Variants in KSR2 observed in about 807,000 individuals in gnomAD.
KSR2 encodes kinase suppressor of ras 2.
Under a neutral mutation model 107.8 loss-of-function variants are expected in KSR2, and 25 were observed. That is an observed-to-expected ratio of 0.23 (90% CI 0.17 to 0.32). The LOEUF is 0.32. Ranked by LOEUF, KSR2 falls within the 10% of genes least tolerant of loss-of-function variation. The probability of loss-of-function intolerance (pLI) is 1.00; values close to 1 mark genes in which losing one functional copy is unlikely to be tolerated. For missense variants in KSR2, 887 were observed against 1,268.9 expected (o/e 0.70, Z 4.57); for synonymous variants, 480 against 507.0 (o/e 0.95, Z 0.71).
intron 17 of KSR2, among the ~76,000 whole-genome samples, chr12:117,476,235 TG>T (rs1452948632): frequency 4.6e-5 from 7 of 152,228 alleles, no homozygotes; most frequent in African/African-American, 1.7e-4. Context: ...GTAAATGAGT[TG>T]GGTAACTTGT....
intron 5 of KSR2, among the ~76,000 whole-genome samples, chr12:117,662,251 T>G (rs1884464843): frequency 6.6e-6 from 1 of 152,186 alleles, no homozygotes; most frequent in Non-Finnish European, 1.5e-5. Flanking sequence ...GACAAGACTG[T>G]GGTTCAGCCA....
chr12:117,454,973 A>C lies in KSR2; in HGVS notation c.*12226T>G, dbSNP rs1318668781. The C allele has an allele frequency of 6.6e-6, 1 of 152,058 alleles. No homozygotes were observed. The highest frequency in any genetic ancestry group is 1.5e-5 in the Non-Finnish European group (1 of 68,086). 9.4% of individuals were successfully genotyped at this position (152,058 alleles called of 1,614,324 possible). A position where few individuals can be genotyped will look rare whatever the true frequency, so the allele number is the denominator to read the frequency against. Reference sequence around the variant, plus strand: ...CCCAATGCAGGGCACTAAGAAATAGAGACACATCCTTCACTGTGTGGAGGC... The same window carrying C: ...CCCAATGCAGGGCACTAAGAAATAGCGACACATCCTTCACTGTGTGGAGGC... On this transcript the variant is annotated 3_prime_UTR_variant, in exon 20 of 20. Transcript: ENST00000339824.
intron 3 of KSR2, 96 bp from the exon 4 acceptor site, chr12:117,761,620 C>T (rs960909025): frequency 1.7e-6 from 2 of 1,164,090 alleles, no homozygotes; most frequent in East Asian, 2.3e-5. Flanking sequence ...CACATTACAC[C>T]ACGTGCCCAT....
chr12:117,641,723 A>C (rs7965878), intron 5 of KSR2, among the ~76,000 whole-genome samples: 4 of 151,928 alleles, frequency 2.6e-5, no homozygotes, highest in African/African-American at 9.7e-5. Flanking sequence ...AATGGGGGGC[A>C]CAATTTAACC....
At chr12:117,767,399 T>G (rs1328032839) in intron 3 of KSR2, among the ~76,000 whole-genome samples, 1 of 149,912 alleles carries the variant, frequency 6.7e-6, no homozygotes. Context: ...ATCGCTCCAC[T>G]GCACTCCAGC....
chr12:117,868,581 C>T (rs1460698214), intron 1 of KSR2, among the ~76,000 whole-genome samples: 2 of 152,046 alleles, frequency 1.3e-5, no homozygotes, highest in African/African-American at 4.8e-5. Context: ...CTACATTGTA[C>T]CAAAGAAGAA....
intron 4 of KSR2, among the ~76,000 whole-genome samples, chr12:117,672,553 T>C (rs1324461066): frequency 6.6e-6 from 1 of 152,198 alleles, no homozygotes; most frequent in South Asian, 2.1e-4. Context: ...ATCAGATGTC[T>C]GTATAGCTAT....
intron 3 of KSR2, among the ~76,000 whole-genome samples, chr12:117,783,797 A>C (rs1256745432): frequency 3.9e-5 from 6 of 152,194 alleles, no homozygotes; most frequent in African/African-American, 1.4e-4. Flanking sequence ...CCAGGAAAGG[A>C]AGATCTGTGA....
chr12:117,503,347 C>G (rs1011098788), intron 14 of KSR2, among the ~76,000 whole-genome samples: 6 of 152,348 alleles, frequency 3.9e-5, no homozygotes, highest in African/African-American at 1.4e-4. Flanking sequence ...CTCCTAGGCA[C>G]TCAGGAGACT....
chr12:117,629,283 G>T (rs573862580), intron 5 of KSR2, among the ~76,000 whole-genome samples: 1 of 152,220 alleles, frequency 6.6e-6, no homozygotes, highest in South Asian at 2.1e-4. Context: ...CTTCTGCGTC[G>T]ATCATGCTGG....
chr12:117,592,047 G>C (rs1313892142), intron 5 of KSR2, among the ~76,000 whole-genome samples: 1 of 151,522 alleles, frequency 6.6e-6, no homozygotes, highest in African/African-American at 2.4e-5. Flanking sequence ...AAAACCTTCA[G>C]GATCTAGTGA....
chr12:117,707,367 A>C (rs1886568700), intron 4 of KSR2, among the ~76,000 whole-genome samples: 1 of 152,232 alleles, frequency 6.6e-6, no homozygotes, highest in African/African-American at 2.4e-5. Context: ...AAAACCATTG[A>C]ATTCTATACT....
chr12:117,598,379 T>C (rs1332980424), intron 5 of KSR2, among the ~76,000 whole-genome samples: 1 of 152,224 alleles, frequency 6.6e-6, no homozygotes, highest in Non-Finnish European at 1.5e-5. Flanking sequence ...CTTTACCCAC[T>C]TGTTGATTGA....
rs111800235 is a variant in KSR2 at position 117,830,491 on chromosome 12, G to C, written c.472+24937C>G. Among the ~76,000 whole-genome samples the C allele has an allele frequency of 2.9e-3, 440 of 151,538 alleles. 3 individuals are homozygous for C. The highest frequency in any genetic ancestry group is 3.8e-3 in the Non-Finnish European group (260 of 67,890). On this transcript the variant is annotated intron_variant, in intron 3 of 19. Transcript: ENST00000339824. ...GTAACAAACCTGCACATGTACCCTC[G>C]AATCAAAAAATAAAAGTTGAAATTA...
chr12:117,619,210 C>CTT (rs67822272), intron 5 of KSR2, among the ~76,000 whole-genome samples: 9 of 147,416 alleles, frequency 6.1e-5, no homozygotes, highest in Admixed American at 3.4e-4. Context: ...AGTCAATTTT[C>CTT]TTTTTTTTTT....
intron 2 of KSR2, among the ~76,000 whole-genome samples, chr12:117,856,816 T>A (rs1050904574): frequency 2.0e-5 from 3 of 152,172 alleles, no homozygotes; most frequent in Admixed American, 2.0e-4. Flanking sequence ...CTTGTGGTCA[T>A]GTTTGTGTAT....
At chr12:117,837,705 G>A (rs1414542564) in intron 3 of KSR2, among the ~76,000 whole-genome samples, 1 of 152,166 alleles carries the variant, frequency 6.6e-6, no homozygotes, top group Non-Finnish European at 1.5e-5. Context: ...AAGCTGGTCT[G>A]CCTCATTTCT....
chr12:117,713,567 A>T (rs770341149), intron 4 of KSR2, among the ~76,000 whole-genome samples: 1 of 152,066 alleles, frequency 6.6e-6, no homozygotes, highest in African/African-American at 2.4e-5. Context: ...GTTTTACTCT[A>T]TCTACATTTG....
intron 10 of KSR2, among the ~76,000 whole-genome samples, chr12:117,536,821 C>T (rs2137274227): frequency 6.6e-6 from 1 of 152,312 alleles, no homozygotes; most frequent in South Asian, 2.1e-4. Context: ...TTCACTGTTA[C>T]AGTGAAGTCC....
Sources: allele counts gnomAD v4.1 joint callset (sites outside exome capture counted in the v4.1 genomes callset), GRCh38; gene constraint gnomAD v4.1.1; transcripts MANE v1.5; gene names NCBI Gene and HGNC (gene_info 2026-07-23, HGNC 2026-07-21).